The following TSEN2 variants were observed in gnomAD, a reference collection of about 807,000 sequenced individuals.
TSEN2 encodes the protein tRNA splicing endonuclease subunit 2.
Under a neutral mutation model 59.2 loss-of-function variants are expected in TSEN2, and 54 were observed. The ratio of observed to expected loss-of-function variants is 0.91; its 90% confidence interval spans 0.73 to 1.14. The LOEUF (loss-of-function observed/expected upper bound fraction) is 1.14. TSEN2 is among the 50% of genes most tolerant of loss of function. The probability of loss-of-function intolerance (pLI) is 0.00; values close to 1 mark genes in which losing one functional copy is unlikely to be tolerated. For missense variants in TSEN2, 636 were observed against 576.2 expected (o/e 1.10, Z -1.06); for synonymous variants, 195 against 198.2 (o/e 0.98, Z 0.14).
intron 6 of TSEN2, among the ~76,000 whole-genome samples, chr3:12,507,265 G>A (rs1219417593): frequency 6.6e-6 from 1 of 152,142 alleles, no homozygotes. Context: ...CTCAAACACT[G>A]AACAGCCACG....
chr3:12,489,258 C>T (rs3888154), intron 1 of TSEN2, among the ~76,000 whole-genome samples: 9,832 of 152,158 alleles, frequency 0.065, 694 homozygotes, highest in African/African-American at 0.17. Context: ...TATTAATGTA[C>T]TTTAAAAATT....
chr3:12,536,502 G>A (rs912300076), downstream of TSEN2, among the ~76,000 whole-genome samples: 4 of 152,190 alleles, frequency 2.6e-5, no homozygotes, highest in African/African-American at 9.7e-5. Flanking sequence ...GAGGTGCTGG[G>A]AAGAAACTTG....
At chr3:12,536,628 T>C (rs564283716), downstream of TSEN2, among the ~76,000 whole-genome samples, 2 of 152,168 alleles carry the variant, frequency 1.3e-5, no homozygotes, top group Non-Finnish European at 2.9e-5. Context: ...CTGAGCAACA[T>C]TGCCATCTGT....
downstream of TSEN2, among the ~76,000 whole-genome samples, chr3:12,536,012 G>T (rs554763315): frequency 6.6e-6 from 1 of 152,192 alleles, no homozygotes; most frequent in Non-Finnish European, 1.5e-5. Context: ...ATACAAAAGC[G>T]TCTGGCACAC....
At chr3:12,502,792 G>A (rs2054429081) in intron 4 of TSEN2, among the ~76,000 whole-genome samples, 2 of 149,104 alleles carry the variant, frequency 1.3e-5, no homozygotes, top group South Asian at 4.3e-4. Flanking sequence ...AAAATGCAGA[G>A]GCCACACGCG....
At chr3:12,529,385 G>T in intron 9 of TSEN2, among the ~76,000 whole-genome samples, 1 of 150,112 alleles carries the variant, frequency 6.7e-6, no homozygotes, top group African/African-American at 2.5e-5. Context: ...AGAATTGCTT[G>T]AACCCAGGAG....
chr3:12,494,192 A>G (rs1448446706), intron 3 of TSEN2, among the ~76,000 whole-genome samples: 5 of 152,238 alleles, frequency 3.3e-5, no homozygotes, highest in Non-Finnish European at 7.3e-5. Context: ...ACTGGGAACA[A>G]CTTACATGTT....
At chr3:12,520,714 C>T (rs190478158) in intron 8 of TSEN2, among the ~76,000 whole-genome samples, 207 of 151,746 alleles carry the variant, frequency 1.4e-3, no homozygotes, top group African/African-American at 4.7e-3. Context: ...TGCTTGATCC[C>T]GGGAGGCAGA....
intron 1 of TSEN2, among the ~76,000 whole-genome samples, chr3:12,485,137 C>T (rs2052470163): frequency 6.6e-6 from 1 of 152,172 alleles, no homozygotes; most frequent in Non-Finnish European, 1.5e-5. Context: ...TCCTTGCCTC[C>T]CTAAGCCCAG....
chr3:12,508,819 C>T (rs750169002), intron 6 of TSEN2, among the ~76,000 whole-genome samples: 3 of 152,316 alleles, frequency 2.0e-5, no homozygotes, highest in East Asian at 3.9e-4. Flanking sequence ...TCAGTGGACA[C>T]GCACACACGC....
intron 10 of TSEN2, 54 bp from the exon 11 acceptor site, chr3:12,531,516 A>G (rs1259076653): frequency 7.8e-7 from 1 of 1,285,228 alleles, no homozygotes; most frequent in Non-Finnish European, 1.1e-6. Context: ...TGATGCACCC[A>G]AATTTGTACT....
chr3:12,538,246 T>C (rs1333658138), downstream of TSEN2, among the ~76,000 whole-genome samples: 1 of 152,212 alleles, frequency 6.6e-6, no homozygotes, highest in Non-Finnish European at 1.5e-5. Context: ...TAAAACACAT[T>C]AAAGTTTATT....
chr3:12,531,657 C>T lies in TSEN2; in HGVS notation c.1336C>T (p.Gln446Ter). ...SPECMKRIKV[Q>*]EVILSRWVSS... Reference sequence around the variant, plus strand: ...AGAATGTATGAAAAGGATTAAAGTTCAGGTGGGTAAACTCAGAGAAATTCA... The same window carrying T: ...AGAATGTATGAAAAGGATTAAAGTTTAGGTGGGTAAACTCAGAGAAATTCA... The change falls in exon 11 of 12, where the codon CAG becomes TAG. Residue 446 changes from glutamine to a stop codon, truncating the protein, a stop_gained and splice_region_variant. Coordinates refer to ENST00000284995, the MANE Select transcript of TSEN2 (RefSeq NM_025265.4). LOFTEE classifies it high-confidence loss of function. The T allele has an allele frequency of 6.3e-7, 1 of 1,597,742 alleles. No homozygotes were observed. The highest frequency in any genetic ancestry group is 8.6e-7 in the Non-Finnish European group (1 of 1,165,122).
intron 10 of TSEN2, chr3:12,538,977 C>T (rs186223135): frequency 3.1e-6 from 1 of 320,246 alleles, no homozygotes; most frequent in Non-Finnish European, 6.0e-6. Context: ...TTGACACAGG[C>T]TGGAATTTTA....
intron 8 of TSEN2, among the ~76,000 whole-genome samples, chr3:12,519,526 A>C (rs113884501): frequency 0.017 from 2,547 of 152,270 alleles, 46 homozygotes; most frequent in South Asian, 0.059. Context: ...TGGGTGGATC[A>C]CGAGGTCAGG....
chr3:12,529,544 G>A (rs1234294985), intron 9 of TSEN2, among the ~76,000 whole-genome samples: 1 of 151,712 alleles, frequency 6.6e-6, no homozygotes, highest in African/African-American at 2.4e-5. Context: ...ATTGGGAAAA[G>A]TATTTGTTTT....
intron 4 of TSEN2, among the ~76,000 whole-genome samples, chr3:12,497,369 T>C (rs544546225): frequency 1.3e-5 from 2 of 152,354 alleles, no homozygotes; most frequent in South Asian, 2.1e-4. Flanking sequence ...TTCTGGCATA[T>C]ACGTGCAAAA....
intron 9 of TSEN2, 124 bp downstream of exon 9, chr3:12,529,048 T>C (rs1459278229): frequency 2.1e-6 from 2 of 932,200 alleles, no homozygotes; most frequent in African/African-American, 3.2e-5. Flanking sequence ...TACGAATAGA[T>C]GCTATATGTT....
At chr3:12,530,082 C>T in intron 10 of TSEN2, 2 of 1,423,946 alleles carry the variant, frequency 1.4e-6, no homozygotes, top group Non-Finnish European at 9.1e-7. Context: ...ATTGTCCCCT[C>T]CCTCCCAACT....
Sources: gnomAD v4.1 joint callset for allele counts (sites outside exome capture counted in the v4.1 genomes callset) on GRCh38, gnomAD v4.1.1 for gene constraint, MANE v1.5 for transcripts, NCBI Gene and HGNC (gene_info 2026-07-23, HGNC 2026-07-21) for gene names.